Variants in CPAP observed in about 807,000 individuals in gnomAD.
CPAP encodes centrosome assembly and centriole elongation protein.
At chr13:24,904,098 A>C in the CPAP span, 7 of 1,611,080 alleles carry the variant, frequency 4.3e-6, no homozygotes, top group Admixed American at 1.2e-4. Flanking sequence ...CAAAAAAGGC[A>C]TTACTGCAGC....
chr13:24,887,208 G>C, the CPAP span, among the ~76,000 whole-genome samples: 2 of 152,092 alleles, frequency 1.3e-5, no homozygotes, highest in South Asian at 2.1e-4. Flanking sequence ...ATACTATAAA[G>C]AGCAAAAAGA....
the CPAP span, among the ~76,000 whole-genome samples, chr13:24,900,354 G>T: frequency 1.3e-5 from 2 of 152,212 alleles, no homozygotes; most frequent in South Asian, 2.1e-4. Context: ...GAGGAGACAG[G>T]CCAGGCACGG....
chr13:24,930,204 G>A, the CPAP span, among the ~76,000 whole-genome samples: 1 of 151,956 alleles, frequency 6.6e-6, no homozygotes, highest in Non-Finnish European at 1.5e-5. Context: ...CATGCTTCAT[G>A]CTATTGTACT....
the CPAP span, chr13:24,913,107 G>T: frequency 3.2e-6 from 4 of 1,255,164 alleles, no homozygotes; most frequent in Non-Finnish European, 3.4e-6. Flanking sequence ...GACAAAAATA[G>T]CCAACAAAAT....
At chr13:24,896,156 C>T in the CPAP span, among the ~76,000 whole-genome samples, 1 of 152,148 alleles carries the variant, frequency 6.6e-6, no homozygotes, top group East Asian at 1.9e-4. Context: ...AGGAACTGCA[C>T]CAAAACCAGC....
the CPAP span, among the ~76,000 whole-genome samples, chr13:24,919,174 T>C: frequency 1.2e-4 from 18 of 152,170 alleles, no homozygotes; most frequent in Admixed American, 3.9e-4. Context: ...AGGTTAAAGA[T>C]ATTTTCTAAA....
chr13:24,891,497 T>C, the CPAP span, among the ~76,000 whole-genome samples: 3 of 152,138 alleles, frequency 2.0e-5, no homozygotes, highest in African/African-American at 7.2e-5. Context: ...CAGTGGGACC[T>C]TCATGAGACC....
chr13:24,927,113 A>T, the CPAP span, among the ~76,000 whole-genome samples: 1 of 152,196 alleles, frequency 6.6e-6, no homozygotes, highest in Non-Finnish European at 1.5e-5. Context: ...CTCTAAAGTC[A>T]CGATTTGGAG....
At chr13:24,910,737 G>A in the CPAP span, among the ~76,000 whole-genome samples, 3 of 152,198 alleles carry the variant, frequency 2.0e-5, no homozygotes, top group African/African-American at 4.8e-5. Context: ...GTCATAGTGC[G>A]GTTCTACCTT....
At chr13:24,917,195 AG>A in the CPAP span, among the ~76,000 whole-genome samples, 23 of 152,272 alleles carry the variant, frequency 1.5e-4, no homozygotes, top group East Asian at 3.9e-3. Flanking sequence ...CAGATCTTGC[AG>A]TGAGCCGAGA....
the CPAP span, among the ~76,000 whole-genome samples, chr13:24,888,936 A>AT: frequency 7.3e-5 from 11 of 150,470 alleles, no homozygotes; most frequent in East Asian, 3.9e-4. Context: ...GCAGATCTCC[A>AT]TTTTTTTTTC....
the CPAP span, among the ~76,000 whole-genome samples, chr13:24,929,437 C>G: frequency 6.6e-6 from 1 of 152,214 alleles, no homozygotes; most frequent in African/African-American, 2.4e-5. Flanking sequence ...TCTTTCAGCA[C>G]TTTATATCAT....
chr13:24,893,782 G>C, the CPAP span, among the ~76,000 whole-genome samples: 2 of 152,228 alleles, frequency 1.3e-5, no homozygotes. Context: ...TAAAATACAA[G>C]TCTAAATGGG....
the CPAP span, among the ~76,000 whole-genome samples, chr13:24,927,479 A>G: frequency 2.6e-4 from 40 of 152,326 alleles, no homozygotes; most frequent in Admixed American, 4.6e-4. Context: ...CTAATTTGCA[A>G]CCTATGGGGC....
chr13:24,892,537 C>G, the CPAP span: 1 of 887,626 alleles, frequency 1.1e-6, no homozygotes, highest in Non-Finnish European at 1.9e-6. Flanking sequence ...CCACTGCCCC[C>G]CCAGCCCCTG....
chr13:24,885,573 A>T, the CPAP span: 1 of 1,314,760 alleles, frequency 7.6e-7, no homozygotes, highest in Non-Finnish European at 1.1e-6. Flanking sequence ...TAAGTAATGT[A>T]TGTTTGAAGA....
the CPAP span, among the ~76,000 whole-genome samples, chr13:24,883,613 C>T: frequency 6.6e-6 from 1 of 152,080 alleles, no homozygotes; most frequent in African/African-American, 2.4e-5. Flanking sequence ...CTTTTTTCAA[C>T]TTGTGTTCTT....
chr13:24,884,242 A>T, the CPAP span: 8 of 1,614,122 alleles, frequency 5.0e-6, no homozygotes, highest in Non-Finnish European at 6.8e-6. Context: ...GCATAGTAGT[A>T]GATCTGTAAA....
chr13:24,917,666 A>T, the CPAP span, among the ~76,000 whole-genome samples: 1 of 152,236 alleles, frequency 6.6e-6, no homozygotes, highest in Non-Finnish European at 1.5e-5. Flanking sequence ...AGTTACAGTG[A>T]TCTATTTAAA....
Sources: gnomAD v4.1 joint callset for allele counts (sites outside exome capture counted in the v4.1 genomes callset) on GRCh38, gnomAD v4.1.1 for gene constraint, MANE v1.5 for transcripts, NCBI Gene and HGNC (gene_info 2026-07-23, HGNC 2026-07-21) for gene names.